RAB43: variants seen among roughly 807,000 people sequenced by gnomAD.
RAB43 encodes the protein ras-related protein Rab-43.
In RAB43, 6 loss-of-function variants were observed where a neutral mutation model predicts 18.8. The ratio of observed to expected loss-of-function variants is 0.32; its 90% CI spans 0.17 to 0.63. The LOEUF (loss-of-function observed/expected upper bound fraction) is 0.63, where lower values mean the gene tolerates loss of function less well. RAB43 is among the 30% of genes least tolerant of loss of function. RAB43 has a pLI of 0.79. For missense variants in RAB43, 195 were observed against 289.1 expected, an observed-to-expected ratio of 0.67 and a Z score of 2.36; for synonymous variants, 103 against 124.1, an observed-to-expected ratio of 0.83 and a Z score of 1.13.
At chr3:129,109,428 A>G (rs1017366217) in intron 1 of RAB43, among the ~76,000 whole-genome samples, 1 of 147,562 alleles carries the variant, frequency 6.8e-6, no homozygotes, top group African/African-American at 2.5e-5. Flanking sequence ...AAAAAAAATC[A>G]ATGTCATTTA....
intron 2 of RAB43, 122 bp downstream of exon 2, chr3:129,094,864 C>T: frequency 1.5e-6 from 2 of 1,372,362 alleles, no homozygotes; most frequent in Non-Finnish European, 2.0e-6. Flanking sequence ...TTTGCAAAAC[C>T]ATGGCTCAAA....
chr3:129,092,881 A>G (rs1040261997), intron 2 of RAB43, among the ~76,000 whole-genome samples: 3 of 151,854 alleles, frequency 2.0e-5, no homozygotes, highest in African/African-American at 7.3e-5. Flanking sequence ...GTGTGAACCC[A>G]GGAGGCAGAG....
At chr3:129,113,405 C>T (rs868713996) in intron 1 of RAB43, among the ~76,000 whole-genome samples, 4 of 151,940 alleles carry the variant, frequency 2.6e-5, no homozygotes, top group African/African-American at 4.8e-5. Flanking sequence ...ACCACATGAT[C>T]GGCCCGCCTC....
rs1301430164 is a variant in RAB43 at position 129,091,075 on chromosome 3, G to C, written c.*21C>G. The stretch of plus-strand genomic sequence containing the variant: ...AGAGCAAGGAGGTGGGGAACCCCCA[G>C]TCTGCCGGCCCGGCCCCTGGTCAGC... On this transcript the variant is annotated 3_prime_UTR_variant, in exon 3 of 3. Coordinates refer to ENST00000315150, the MANE Select transcript of RAB43 (RefSeq NM_198490.3). The C allele has an allele frequency of 1.9e-6, 3 of 1,608,558 alleles. No individual in the cohort carries two copies. Among genetic ancestry groups the C allele is most frequent in the Non-Finnish European group, 2.5e-6 (3 of 1,178,822 alleles).
rs1404817632 is a variant in RAB43 at position 129,107,596 on chromosome 3, G to A, written c.205-12427C>T. Among the ~76,000 whole-genome samples the A allele has an allele frequency of 6.6e-6, 1 of 152,128 alleles. No individual in the cohort carries two copies. Among genetic ancestry groups the A allele is most frequent in the Non-Finnish European group, 1.5e-5 (1 of 68,014 alleles). Reference sequence around the variant, plus strand: ...CTCAGCTGGGGGGCCCATCAGGAAGGGTTTTCAGCAAACATTGACAGCATC... The same window carrying A: ...CTCAGCTGGGGGGCCCATCAGGAAGAGTTTTCAGCAAACATTGACAGCATC... On this transcript the variant is annotated intron_variant, in intron 1 of 2. Transcript: ENST00000315150. The surrounding 1 kb of genome is among the most constrained non-coding windows in gnomAD (Gnocchi z 4.2).
intron 1 of RAB43, among the ~76,000 whole-genome samples, chr3:129,098,016 A>G (rs765234301): frequency 3.4e-4 from 52 of 152,242 alleles, no homozygotes; most frequent in Admixed American, 3.0e-3. Context: ...ATGAGAAGAC[A>G]TAAGTAGGGG....
chr3:129,098,517 G>A (rs9856204), intron 1 of RAB43, among the ~76,000 whole-genome samples: 144,193 of 152,256 alleles, frequency 0.95, 68,411 homozygotes, highest in East Asian at 0.99. Flanking sequence ...ATTGCTAAAC[G>A]TGCAAAGAAA....
chr3:129,120,023 C>T (rs1476769981), intron 1 of RAB43, among the ~76,000 whole-genome samples: 2 of 152,166 alleles, frequency 1.3e-5, no homozygotes, highest in African/African-American at 2.4e-5. Flanking sequence ...CTCAAAGCTG[C>T]CTTCTGCACC....
chr3:129,117,628 C>A (rs558073259), intron 1 of RAB43, among the ~76,000 whole-genome samples: 1 of 152,320 alleles, frequency 6.6e-6, no homozygotes, highest in Admixed American at 6.5e-5. Context: ...AACTGTCAAC[C>A]CCAATCTTTC....
Position 129,121,631 on chromosome 3 carries a change from C to T in RAB43, c.-142G>A. On this transcript the variant is annotated 5_prime_UTR_variant, in exon 1 of 3. The change creates a new upstream start codon in the 5' untranslated region. Coordinates refer to ENST00000315150, the MANE Select transcript of RAB43 (RefSeq NM_198490.3). ...CGCCGCAACACCTGAACCCCCAGCA[C>T]TGCCGACCGCCTGCCTCGGCCTCGG... 1.7e-6 allele frequency: 1 copy of T among 599,910 alleles called. No homozygotes were observed. Among genetic ancestry groups the T allele is most frequent in the Non-Finnish European group, 2.6e-6 (1 of 379,116 alleles). The allele number at this position is 599,910 out of a possible 1,614,324, so 37.2% of individuals were successfully genotyped here.
In RAB43 at chr3:129,095,666, T is replaced by C. The variant is rs1434596927; in HGVS notation, c.205-497A>G. Among the ~76,000 whole-genome samples the C allele has an allele frequency of 6.6e-6, 1 of 152,106 alleles. No homozygotes were observed. The highest frequency in any genetic ancestry group is 1.5e-5 in the Non-Finnish European group (1 of 68,004). On this transcript the variant is annotated intron_variant, in intron 1 of 2. Transcript: ENST00000315150. The surrounding 1 kb of genome is among the most constrained non-coding windows in gnomAD (Gnocchi z 4.2). ...CTCTACAGCTTGGTGATGAGGACTG[T>C]GGGAAGGGTGACTGGTGGTGGCAAT...
chr3:129,112,958 C>T (rs1394673258), intron 1 of RAB43, among the ~76,000 whole-genome samples: 1 of 151,918 alleles, frequency 6.6e-6, no homozygotes, highest in East Asian at 1.9e-4. Flanking sequence ...CCTATGTTGT[C>T]CAGGCTTCTT....
rs762966315 is a variant in RAB43, at chr3:129,091,354, G to C, written c.389-8C>G. The C allele has an allele frequency of 6.2e-7, 1 of 1,607,104 alleles. No homozygotes were observed. The highest frequency in any genetic ancestry group is 8.5e-7 in the Non-Finnish European group (1 of 1,176,618). On this transcript the variant is annotated splice_region_variant and splice_polypyrimidine_tract_variant and intron_variant, in intron 2 of 2. Transcript: ENST00000315150. ...TGAGGTCTGACTTGTTCCCTGCGGA[G>C]GAAAGCCGGGGCAGCATGAGGCCAT...
At chr3:129,115,335 A>C (rs981697946) in intron 1 of RAB43, among the ~76,000 whole-genome samples, 1 of 151,110 alleles carries the variant, frequency 6.6e-6, no homozygotes, top group Non-Finnish European at 1.5e-5. Context: ...TAAAAAAAAA[A>C]CAAAAAACAA....
chr3:129,099,399 T>TAAATTAGTGGAAA (rs1331151297), intron 1 of RAB43, among the ~76,000 whole-genome samples: 5 of 139,860 alleles, frequency 3.6e-5, no homozygotes, highest in Admixed American at 1.4e-4. Context: ...CCTTAATTTT[T>TAAATTAGTGGAAA]TTTTTGAGAC....
At position 129,091,067 on chromosome 3, in the gene RAB43, A is replaced by G. The variant is rs757643206; in HGVS notation, c.*29T>C. 1.6e-5 allele frequency: 25 copies of G among 1,608,326 alleles called. No individual in the cohort carries two copies. The African/African-American group carries it at 2.7e-4, about 17-fold the overall frequency. On this transcript the variant is annotated 3_prime_UTR_variant, in exon 3 of 3. Transcript: ENST00000315150. ...GGCTGGGGAGAGCAAGGAGGTGGGG[A>G]ACCCCCAGTCTGCCGGCCCGGCCCC...
intron 2 of RAB43, 36 bp from the exon 3 acceptor site, chr3:129,091,382 G>A (rs1467569237): frequency 1.3e-6 from 2 of 1,588,950 alleles, no homozygotes; most frequent in Non-Finnish European, 1.7e-6. Flanking sequence ...GAGGCCATGG[G>A]GGCTGGGCAA....
At chr3:129,121,156 G>A in intron 1 of RAB43, 130 bp downstream of exon 1, 4 of 866,496 alleles carry the variant, frequency 4.6e-6, no homozygotes, top group Non-Finnish European at 6.9e-6. Context: ...TCCGACCCGA[G>A]GAAGGAAAAA....
At chr3:129,113,432 G>C (rs1206974893) in intron 1 of RAB43, among the ~76,000 whole-genome samples, 1 of 151,942 alleles carries the variant, frequency 6.6e-6, no homozygotes, top group Non-Finnish European at 1.5e-5. Flanking sequence ...CCAAAGTGCT[G>C]GGATTACAGG....
Sources: allele counts gnomAD v4.1 joint callset (sites outside exome capture counted in the v4.1 genomes callset), GRCh38; gene constraint gnomAD v4.1.1; non-coding constraint Gnocchi (gnomAD v3.1); transcripts MANE v1.5; gene names NCBI Gene and HGNC (gene_info 2026-07-23, HGNC 2026-07-21).